The following RFPL1 variants were observed in gnomAD, a reference collection of about 807,000 sequenced individuals.
RFPL1 encodes the protein ret finger protein-like 1.
Under a neutral mutation model 9.6 loss-of-function variants are expected in RFPL1, and 6 were observed. The observed-to-expected ratio is 0.62, with a 90% CI of 0.34 to 1.23. RFPL1 has a LOEUF of 1.23. RFPL1 is among the 50% of genes most tolerant of loss of function. RFPL1 has a pLI of 0.03. For missense variants in RFPL1, 352 were observed against 398.4 expected (o/e 0.88, Z 0.99); for synonymous variants, 145 against 149.4 (o/e 0.97, Z 0.22).
At chr22:29,431,849 C>T in the RFPL1 span, among the ~76,000 whole-genome samples, 5 of 151,982 alleles carry the variant, frequency 3.3e-5, no homozygotes, top group African/African-American at 7.3e-5. Flanking sequence ...CGCCACCAAG[C>T]CCAGCTAATT....
the RFPL1 span, among the ~76,000 whole-genome samples, chr22:29,424,139 C>G: frequency 6.6e-6 from 1 of 151,902 alleles, no homozygotes; most frequent in African/African-American, 2.4e-5. Flanking sequence ...AAGATAGCAC[C>G]ACTGCACTTC....
the RFPL1 span, among the ~76,000 whole-genome samples, chr22:29,396,368 A>G: frequency 6.6e-6 from 1 of 152,166 alleles, no homozygotes; most frequent in African/African-American, 2.4e-5. Context: ...TCTTTCTGCC[A>G]TGGGAATATG....
chr22:29,415,392 C>A, the RFPL1 span, among the ~76,000 whole-genome samples: 1 of 152,222 alleles, frequency 6.6e-6, no homozygotes, highest in Non-Finnish European at 1.5e-5. Flanking sequence ...CAGTTCCTTC[C>A]CGGTGTTCAG....
the RFPL1 span, among the ~76,000 whole-genome samples, chr22:29,394,373 C>A: frequency 1.3e-5 from 2 of 151,098 alleles, no homozygotes; most frequent in African/African-American, 4.9e-5. Flanking sequence ...GACGGAGTCT[C>A]GCTGTGTCGT....
chr22:29,438,746 G>A lies in RFPL1; in HGVS notation c.-46G>A, dbSNP rs1259912242. ...GATGTGCTTGAGTGTTTGTACTCAT[G>A]GTCTTGTTCTAGAAGTGACAAAGCT... On this transcript the variant is annotated 5_prime_UTR_variant, in exon 1 of 2. It removes an upstream start codon present in the reference 5' UTR. Coordinates refer to ENST00000354373, the Ensembl canonical transcript of RFPL1. The A allele has an allele frequency of 6.3e-7, 1 of 1,590,096 alleles. No homozygotes were observed.
the RFPL1 span, among the ~76,000 whole-genome samples, chr22:29,396,785 G>C: frequency 6.7e-6 from 1 of 148,652 alleles, no homozygotes; most frequent in South Asian, 2.2e-4. Flanking sequence ...GCTAATTTTT[G>C]TATTTTTTGT....
At chr22:29,409,328 C>T in the RFPL1 span, among the ~76,000 whole-genome samples, 53,316 of 152,006 alleles carry the variant, frequency 0.35, 10,960 homozygotes, top group East Asian at 0.56. Flanking sequence ...CTGTATTAAC[C>T]GGTTCTTAAG....
chr22:29,411,964 C>T, the RFPL1 span, among the ~76,000 whole-genome samples: 1 of 152,152 alleles, frequency 6.6e-6, no homozygotes, highest in Non-Finnish European at 1.5e-5. Flanking sequence ...GATCCCCCCA[C>T]CTCAGTTGGA....
At chr22:29,439,494 T>A in intron 1 of RFPL1, 1 of 269,784 alleles carries the variant, frequency 3.7e-6, no homozygotes. Context: ...TTAGCCAGGC[T>A]TGGTGGTGGG....
Position 29,441,594 on chromosome 22 carries a change from C to T in RFPL1, c.426C>T (p.Asp142=), listed in dbSNP as rs10211999. 13,204 of 1,613,810 alleles carry T rather than the reference C, an allele frequency of 8.2e-3. 566 individuals are homozygous for T. The African/African-American group carries it at 0.12, about 15-fold the overall frequency. ...CCAACAACTTCCTCCTCATTTCTGA[C>T]GACCTCAGGAGCGTCCGAAGTGGGT... The change falls in exon 2 of 2, where the codon GAC becomes GAT. Residue 142 remains aspartate, a synonymous_variant. Coordinates refer to ENST00000354373, the Ensembl canonical transcript of RFPL1.
chr22:29,438,527 G>C (rs1602919016), upstream of RFPL1: 2 of 1,195,086 alleles, frequency 1.7e-6, no homozygotes, highest in Non-Finnish European at 2.2e-6. Flanking sequence ...CTCTTGCTGG[G>C]GTTCCCCTAG....
chr22:29,423,910 G>A, the RFPL1 span, among the ~76,000 whole-genome samples: 1 of 152,166 alleles, frequency 6.6e-6, no homozygotes. Flanking sequence ...AAGTACTATT[G>A]TAAGACAATA....
the RFPL1 span, among the ~76,000 whole-genome samples, chr22:29,412,681 A>C: frequency 2.0e-5 from 3 of 152,078 alleles, no homozygotes; most frequent in African/African-American, 7.2e-5. Flanking sequence ...GGCCCCATGA[A>C]TGTTTTAATG....
At chr22:29,435,570 T>C (rs1211711786), upstream of RFPL1, among the ~76,000 whole-genome samples, 1 of 152,086 alleles carries the variant, frequency 6.6e-6, no homozygotes, top group Admixed American at 6.5e-5. Flanking sequence ...TCCAATTCAT[T>C]CCAATCATGT....
upstream of RFPL1, chr22:29,438,421 G>C (rs1484906520): frequency 4.0e-6 from 1 of 247,882 alleles, no homozygotes; most frequent in Non-Finnish European, 7.5e-6. Context: ...GACCTCAGAT[G>C]ATCCACTCAC....
chr22:29,415,422 C>T, the RFPL1 span, among the ~76,000 whole-genome samples: 2 of 152,214 alleles, frequency 1.3e-5, no homozygotes, highest in African/African-American at 4.8e-5. Context: ...TGATCCTCTG[C>T]GGGGGCCTGC....
the RFPL1 span, among the ~76,000 whole-genome samples, chr22:29,418,318 A>T: frequency 8.5e-5 from 13 of 152,258 alleles, no homozygotes; most frequent in African/African-American, 3.1e-4. Context: ...GCCGCTCTAC[A>T]CACGACCTGC....
the RFPL1 span, among the ~76,000 whole-genome samples, chr22:29,430,074 T>A: frequency 6.6e-6 from 1 of 152,220 alleles, no homozygotes; most frequent in African/African-American, 2.4e-5. Context: ...GACTCGTCTA[T>A]GTAATTACAT....
the RFPL1 span, among the ~76,000 whole-genome samples, chr22:29,395,197 T>C: frequency 3.3e-5 from 5 of 152,196 alleles, no homozygotes; most frequent in South Asian, 6.2e-4. Context: ...TTGCCATCCT[T>C]TCACAGGGGC....
Sources: allele counts gnomAD v4.1 joint callset (sites outside exome capture counted in the v4.1 genomes callset), GRCh38; gene constraint gnomAD v4.1.1; transcripts MANE v1.5; gene names NCBI Gene and HGNC (gene_info 2026-07-23, HGNC 2026-07-21).